The following IGF1R variants were observed in gnomAD, a reference collection of about 807,000 sequenced individuals.
The protein encoded by IGF1R is insulin-like growth factor 1 receptor.
IGF1R carries 44 observed loss-of-function variants against 144.6 expected under a neutral mutation model. The observed-to-expected ratio is 0.30, with a 90% CI of 0.24 to 0.39. The LOEUF (loss-of-function observed/expected upper bound fraction) is 0.39, where lower values mean the gene tolerates loss of function less well. Among genes scored for constraint, IGF1R ranks in the 10% least tolerant of loss-of-function variants. The pLI, the probability that IGF1R is intolerant of heterozygous loss-of-function variation, is 1.00. For missense variants in IGF1R, 1,355 were observed against 1,833.7 expected (o/e 0.74, Z 4.77); for synonymous variants, 795 against 722.8 (o/e 1.10, Z -1.60).
rs1264770681 is a variant in IGF1R at position 98,810,320 on chromosome 15, A to G, written c.641-81005A>G. 2.0e-5 allele frequency among the ~76,000 whole-genome samples: 3 copies of G among 152,184 alleles called. No homozygotes were observed. In the South Asian group the frequency reaches 6.2e-4, roughly 31 times the overall value. On this transcript the variant is annotated intron_variant, in intron 2 of 20. Coordinates refer to ENST00000650285, the MANE Select transcript of IGF1R (RefSeq NM_000875.5). Reference sequence around the variant, plus strand: ...TCCAGTTACTGTGTCTAGTGAAGCTAGCATTCACATATTTTAGATTAAATT... The same window carrying G: ...TCCAGTTACTGTGTCTAGTGAAGCTGGCATTCACATATTTTAGATTAAATT...
intron 2 of IGF1R, among the ~76,000 whole-genome samples, chr15:98,767,741 A>C (rs766289183): frequency 3.3e-5 from 5 of 152,152 alleles, no homozygotes; most frequent in Non-Finnish European, 7.4e-5. Flanking sequence ...TTTCCACTTG[A>C]ACCCATGTTG....
intron 1 of IGF1R, among the ~76,000 whole-genome samples, chr15:98,674,522 T>C (rs2052981879): frequency 6.6e-6 from 1 of 152,194 alleles, no homozygotes; most frequent in Non-Finnish European, 1.5e-5. Flanking sequence ...CAATCACGTG[T>C]ACACATAGCA....
intron 2 of IGF1R, among the ~76,000 whole-genome samples, chr15:98,733,162 G>A (rs981950714): frequency 6.6e-6 from 1 of 152,178 alleles, no homozygotes; most frequent in African/African-American, 2.4e-5. Context: ...CGAGGATTGG[G>A]TCTGAAGGCT....
intron 6 of IGF1R, among the ~76,000 whole-genome samples, 173 bp from the exon 7 acceptor site, chr15:98,911,142 A>C (rs1219180971): frequency 6.6e-6 from 1 of 152,236 alleles, no homozygotes; most frequent in African/African-American, 2.4e-5. Flanking sequence ...GGAGCTCTGC[A>C]TAGTGAAATG....
At position 98,962,762 on chromosome 15, in the gene IGF1R, G is replaced by A. The variant is rs2017275289; in HGVS notation, c.*5320G>A. The A allele has an allele frequency of 8.6e-6, 2 of 233,534 alleles. No homozygotes were observed. The highest frequency in any genetic ancestry group is 6.0e-5 in the East Asian group (1 of 16,592). 14.5% of individuals were successfully genotyped at this position (233,534 alleles called of 1,614,324 possible). A position where few individuals can be genotyped will look rare whatever the true frequency, so the allele number is the denominator to read the frequency against. On this transcript the variant is annotated 3_prime_UTR_variant, in exon 21 of 21. Coordinates refer to ENST00000650285, the MANE Select transcript of IGF1R (RefSeq NM_000875.5). ...GTTCTTGAAGCTATCAGACCACATC[G>A]AGGCTCAGCAGTCATCCGTGGGCAT...
rs997285776 is a variant in IGF1R, at chr15:98,916,640, C to G, written c.1997-32C>G. 1.9e-6 allele frequency: 3 copies of G among 1,583,686 alleles called. No individual in the cohort carries two copies. In the Admixed American group the frequency reaches 5.0e-5, roughly 26 times the overall value. ...AAGCATGTATAACGGCTTTCATTCC[C>G]ACTCTTGTTTTGGCTTTTCTTTTCC... is the stretch of plus-strand genomic sequence containing the variant. On this transcript the variant is annotated intron_variant, in intron 9 of 20. Coordinates refer to ENST00000650285, the MANE Select transcript of IGF1R (RefSeq NM_000875.5).
intron 2 of IGF1R, among the ~76,000 whole-genome samples, chr15:98,866,353 A>C (rs2012446894): frequency 6.6e-6 from 1 of 152,192 alleles, no homozygotes; most frequent in Non-Finnish European, 1.5e-5. Context: ...GGGAAGCTTC[A>C]GGTTCTCTTC....
intron 2 of IGF1R, among the ~76,000 whole-genome samples, chr15:98,821,288 C>T (rs932242305): frequency 1.3e-5 from 2 of 151,960 alleles, no homozygotes; most frequent in Non-Finnish European, 1.5e-5. Flanking sequence ...ACGCCTCCCC[C>T]CCCCCTTTTT....
At chr15:98,873,116 G>A (rs1157277075) in intron 2 of IGF1R, among the ~76,000 whole-genome samples, 1 of 152,168 alleles carries the variant, frequency 6.6e-6, no homozygotes, top group Non-Finnish European at 1.5e-5. Flanking sequence ...AGGTAAAGCT[G>A]CTCCAGTGGG....
chr15:98,826,388 A>G (rs539366978), intron 2 of IGF1R, among the ~76,000 whole-genome samples: 15 of 152,348 alleles, frequency 9.8e-5, no homozygotes, highest in Admixed American at 9.8e-4. Context: ...TTGGAATGCA[A>G]TGTAAAAGTG....
chr15:98,765,330 T>G (rs12440429), intron 2 of IGF1R, among the ~76,000 whole-genome samples: 3 of 137,340 alleles, frequency 2.2e-5, no homozygotes, highest in South Asian at 2.4e-4. Context: ...TTTTTTTTTT[T>G]TTTTTTGAGA....
At chr15:98,863,365 T>A (rs142724250) in intron 2 of IGF1R, among the ~76,000 whole-genome samples, 1 of 152,350 alleles carries the variant, frequency 6.6e-6, no homozygotes, top group African/African-American at 2.4e-5. Flanking sequence ...TTTTTCTCTT[T>A]GTAATTAGGA....
chr15:98,671,111 G>A (rs750429156), intron 1 of IGF1R, among the ~76,000 whole-genome samples: 17 of 152,184 alleles, frequency 1.1e-4, no homozygotes, highest in African/African-American at 3.1e-4. Context: ...AGTGAGCCCC[G>A]CTCTGTTACT....
intron 2 of IGF1R, among the ~76,000 whole-genome samples, chr15:98,732,683 A>C (rs1442747952): frequency 6.6e-6 from 1 of 152,242 alleles, no homozygotes; most frequent in Non-Finnish European, 1.5e-5. Flanking sequence ...TGACTGGAGA[A>C]GATGACCACC....
At chr15:98,668,671 C>T (rs1244068238) in intron 1 of IGF1R, among the ~76,000 whole-genome samples, 1 of 152,210 alleles carries the variant, frequency 6.6e-6, no homozygotes, top group Non-Finnish European at 1.5e-5. Context: ...GGAAGTTATA[C>T]TCCAGGAGAG....
intron 2 of IGF1R, among the ~76,000 whole-genome samples, chr15:98,795,895 T>C (rs1316079795): frequency 1.3e-5 from 2 of 152,238 alleles, no homozygotes; most frequent in Admixed American, 1.3e-4. Flanking sequence ...GAAACACCCG[T>C]GTAAACTACC....
chr15:98,806,267 C>T (rs1273769915), intron 2 of IGF1R, among the ~76,000 whole-genome samples: 1 of 152,022 alleles, frequency 6.6e-6, no homozygotes, highest in East Asian at 1.9e-4. Flanking sequence ...TGGCGTGGAG[C>T]TCCTTTTCAG....
rs527621096 is a variant in IGF1R at position 98,669,775 on chromosome 15, G to A, written c.94+20100G>A. 1.1e-4 allele frequency among the ~76,000 whole-genome samples: 16 copies of A among 152,278 alleles called. No individual in the cohort carries two copies. The East Asian group carries it at 2.3e-3, about 22-fold the overall frequency. On this transcript the variant is annotated intron_variant, in intron 1 of 20. Coordinates refer to ENST00000650285, the MANE Select transcript of IGF1R (RefSeq NM_000875.5). ...AGTCAGCCCCGTGTTCTAGCTTCCC[G>A]TGCCGAACCTGGCCCTGGAGGCTGT...
intron 2 of IGF1R, among the ~76,000 whole-genome samples, chr15:98,728,278 G>T (rs996740895): frequency 1.3e-5 from 2 of 152,146 alleles, no homozygotes. Flanking sequence ...AGATCCCGGT[G>T]CCTGTCTGTG....
Sources: gnomAD v4.1 joint callset for allele counts (sites outside exome capture counted in the v4.1 genomes callset) on GRCh38, gnomAD v4.1.1 for gene constraint, MANE v1.5 for transcripts, NCBI Gene and HGNC (gene_info 2026-07-23, HGNC 2026-07-21) for gene names.